ENPP6: variants seen among roughly 807,000 people sequenced by gnomAD.
ENPP6 encodes the protein glycerophosphocholine cholinephosphodiesterase ENPP6.
Under a neutral mutation model 42.0 loss-of-function variants are expected in ENPP6, and 32 were observed. That is an observed-to-expected ratio of 0.76 (90% confidence interval 0.58 to 1.02). The LOEUF (loss-of-function observed/expected upper bound fraction) is 1.02. Ranked by LOEUF, ENPP6 falls within the 50% of genes least tolerant of loss-of-function variation. The pLI is 0.00. For missense variants in ENPP6, 552 were observed against 566.8 expected, an observed-to-expected ratio of 0.97 and a Z score of 0.27; for synonymous variants, 213 against 216.0, an observed-to-expected ratio of 0.99 and a Z score of 0.12.
chr4:184,198,577 C>T (rs1732841293), intron 1 of ENPP6, among the ~76,000 whole-genome samples: 1 of 152,192 alleles, frequency 6.6e-6, no homozygotes. Flanking sequence ...TGCAAGTCTG[C>T]AGTGCAGACT....
At chr4:184,125,213 G>A (rs1405366631) in intron 2 of ENPP6, among the ~76,000 whole-genome samples, 1 of 152,152 alleles carries the variant, frequency 6.6e-6, no homozygotes, top group Non-Finnish European at 1.5e-5. Flanking sequence ...CTGACTTCAG[G>A]CATCACTTCC....
intron 1 of ENPP6, among the ~76,000 whole-genome samples, chr4:184,169,254 C>T (rs952703913): frequency 1.3e-5 from 2 of 152,092 alleles, no homozygotes; most frequent in Non-Finnish European, 2.9e-5. Flanking sequence ...AGCCGCATTC[C>T]TGCCACAGTG....
In ENPP6 at chr4:184,117,783, C is replaced by T; in HGVS notation, c.651G>A (p.Leu217=). The change falls in exon 4 of 8, where the codon CTG becomes CTA. Residue 217 remains leucine, a synonymous_variant. Coordinates refer to ENST00000296741, the MANE Select transcript of ENPP6 (RefSeq NM_153343.4). The stretch of plus-strand genomic sequence containing the variant: ...CCTGGATCCACTTGGTCATGTACTT[C>T]AGGACAGTGTCTACAGCCTTGAGGG... The part of the protein sequence containing the change: ...KDALKAVDTV[L]KYMTKWIQER... The T allele has an allele frequency of 6.2e-7, 1 of 1,614,242 alleles. No individual in the cohort carries two copies. Among genetic ancestry groups the T allele is most frequent in the Non-Finnish European group, 8.5e-7 (1 of 1,180,036 alleles).
rs146019772 is a variant in ENPP6, at chr4:184,091,673, G to A, written c.1118-291C>T. On this transcript the variant is annotated intron_variant, in intron 7 of 7. Transcript: ENST00000296741. The stretch of plus-strand genomic sequence containing the variant: ...TGTAGTCTCAGCAAGTTGGGAGGGC[G>A]AGGAGGGAGGATTGCCTGAGCCCAG... Among the ~76,000 whole-genome samples the A allele has an allele frequency of 7.2e-5, 11 of 152,242 alleles. No individual in the cohort carries two copies. The East Asian group carries it at 9.7e-4, about 13-fold the overall frequency.
At position 184,217,599 on chromosome 4, in the gene ENPP6, T is replaced by C; in HGVS notation, c.221A>G (p.Asn74Ser). ...TPDFPSLSYP[N>S]YYTLMTGRHC... The stretch of plus-strand genomic sequence containing the variant: ...CTCACCAGTCATTAGGGTATAATAA[T>C]TGGGATACGAGAGACTAGGGAAGTC... Residue 74 changes from asparagine to serine, a missense_variant, in exon 1 of 8, where the codon AAT becomes AGT. Transcript: ENST00000296741. 6.2e-7 allele frequency: 1 copy of C among 1,614,218 alleles called. No individual in the cohort carries two copies. The highest frequency in any genetic ancestry group is 8.5e-7 in the Non-Finnish European group (1 of 1,180,034).
chr4:184,141,035 A>G (rs1736810255), intron 2 of ENPP6, among the ~76,000 whole-genome samples: 2 of 88,334 alleles, frequency 2.3e-5, no homozygotes, highest in African/African-American at 7.9e-5. Flanking sequence ...AACTCAAACA[A>G]ATTTACAAGA....
At chr4:184,105,656 T>G (rs1034580752) in intron 6 of ENPP6, among the ~76,000 whole-genome samples, 18 of 152,194 alleles carry the variant, frequency 1.2e-4, no homozygotes, top group African/African-American at 4.1e-4. Flanking sequence ...ATTGTTATGG[T>G]TGTTATTGAC....
intron 1 of ENPP6, among the ~76,000 whole-genome samples, chr4:184,157,556 TCTTTCTTTC>T (rs1341763606): frequency 1.1e-4 from 16 of 148,638 alleles, no homozygotes; most frequent in East Asian, 8.3e-4. Flanking sequence ...TTCCTTTCTC[TCTTTCTTTC>T]CTTTCTTTCC....
rs923006372 is a variant in ENPP6, at chr4:184,208,956, G to A, written c.241+8623C>T. 8.6e-4 allele frequency among the ~76,000 whole-genome samples: 122 copies of A among 141,152 alleles called. 1 individual carries two copies. The highest frequency in any genetic ancestry group is 3.3e-3 in the African/African-American group (119 of 36,598). The allele number at this position is 141,152 out of a possible 152,430, so 92.6% of individuals were successfully genotyped here. A position where few individuals can be genotyped will look rare whatever the true frequency, so the allele number is the denominator to read the frequency against. The stretch of plus-strand genomic sequence containing the variant: ...GACCCCCGAGCAGCCTAACTGGGAG[G>A]CACCCCCCAGCAGGAGCACACTGAC... On this transcript the variant is annotated intron_variant, in intron 1 of 7. Coordinates refer to ENST00000296741, the MANE Select transcript of ENPP6 (RefSeq NM_153343.4).
At chr4:184,108,346 GTGGA>G (rs1736138119) in intron 6 of ENPP6, among the ~76,000 whole-genome samples, 1 of 152,228 alleles carries the variant, frequency 6.6e-6, no homozygotes, top group South Asian at 2.1e-4. Context: ...CGCATGCACT[GTGGA>G]TGGGTGTATA....
chr4:184,199,311 G>A (rs1732855152), intron 1 of ENPP6, among the ~76,000 whole-genome samples: 1 of 152,148 alleles, frequency 6.6e-6, no homozygotes, highest in Admixed American at 6.5e-5. Context: ...CAGGAGTCTG[G>A]GCTGCCAGGC....
At chr4:184,152,161 C>T (rs1305694023) in intron 2 of ENPP6, among the ~76,000 whole-genome samples, 2 of 152,218 alleles carry the variant, frequency 1.3e-5, no homozygotes, top group Non-Finnish European at 2.9e-5. Context: ...TGCTCTGCAG[C>T]AGCTTGTACG....
At chr4:184,148,851 G>C (rs76638276) in intron 2 of ENPP6, among the ~76,000 whole-genome samples, 1 of 152,154 alleles carries the variant, frequency 6.6e-6, no homozygotes, top group Non-Finnish European at 1.5e-5. Context: ...ATCAAGGACC[G>C]CTTGGCAGTC....
intron 1 of ENPP6, among the ~76,000 whole-genome samples, chr4:184,167,520 A>C (rs890656000): frequency 6.6e-6 from 1 of 152,202 alleles, no homozygotes; most frequent in African/African-American, 2.4e-5. Flanking sequence ...CCCAGCTCTT[A>C]AGGAGTGTGA....
At chr4:184,150,206 A>G (rs1411830749) in intron 2 of ENPP6, among the ~76,000 whole-genome samples, 1 of 152,170 alleles carries the variant, frequency 6.6e-6, no homozygotes, top group African/African-American at 2.4e-5. Context: ...GAACTATATT[A>G]AACGCCTCAA....
chr4:184,173,094 C>T (rs1219500704), intron 1 of ENPP6, among the ~76,000 whole-genome samples: 1 of 152,008 alleles, frequency 6.6e-6, no homozygotes, highest in African/African-American at 2.4e-5. Context: ...TTAGTAGAGA[C>T]GGGGTTCCAC....
At chr4:184,144,643 C>T (rs2111371292) in intron 2 of ENPP6, among the ~76,000 whole-genome samples, 1 of 152,342 alleles carries the variant, frequency 6.6e-6, no homozygotes, top group Admixed American at 6.5e-5. Context: ...GGTGGCAGGG[C>T]TGCCTCACCC....
intron 6 of ENPP6, among the ~76,000 whole-genome samples, chr4:184,112,287 C>T (rs1042975924): frequency 9.2e-5 from 14 of 152,238 alleles, no homozygotes; most frequent in African/African-American, 3.4e-4. Context: ...GTTTGCCAAA[C>T]ATTTCTCTTG....
intron 7 of ENPP6, among the ~76,000 whole-genome samples, chr4:184,093,770 G>A (rs1735849796): frequency 6.6e-6 from 1 of 152,204 alleles, no homozygotes; most frequent in South Asian, 2.1e-4. Context: ...AGATGAGGAT[G>A]GTAGTTACAC....
Sources: gnomAD v4.1 joint callset for allele counts (sites outside exome capture counted in the v4.1 genomes callset) on GRCh38, gnomAD v4.1.1 for gene constraint, MANE v1.5 for transcripts, NCBI Gene and HGNC (gene_info 2026-07-23, HGNC 2026-07-21) for gene names.